The following ATG7 variants were observed in gnomAD, a reference collection of about 807,000 sequenced individuals.
ATG7 encodes the protein autophagy related 7.
Under a neutral mutation model 82.4 loss-of-function variants are expected in ATG7, and 70 were observed. That is an observed-to-expected ratio of 0.85 (90% confidence interval 0.70 to 1.04). The LOEUF (loss-of-function observed/expected upper bound fraction) is 1.04, where lower values mean the gene tolerates loss of function less well. ATG7 is among the 50% of genes least tolerant of loss of function. The probability of loss-of-function intolerance (pLI) is 0.00; values close to 1 mark genes in which losing one functional copy is unlikely to be tolerated. For missense variants in ATG7, 792 were observed against 864.3 expected, an observed-to-expected ratio of 0.92 and a Z score of 1.05; for synonymous variants, 287 against 313.0, an observed-to-expected ratio of 0.92 and a Z score of 0.88.
At chr3:11,395,627 A>G (rs577774931) in intron 19 of ATG7, among the ~76,000 whole-genome samples, 38 of 152,290 alleles carry the variant, frequency 2.5e-4, no homozygotes, top group African/African-American at 8.7e-4. Context: ...ACAATTTTAA[A>G]CCCAGCAGAT....
intron 13 of ATG7, among the ~76,000 whole-genome samples, chr3:11,343,117 C>T (rs1053069562): frequency 5.9e-5 from 9 of 151,904 alleles, no homozygotes; most frequent in African/African-American, 1.7e-4. Flanking sequence ...TTAGTAGAGA[C>T]GGGGTTTCAT....
chr3:11,423,419 G>A (rs1242006492), intron 19 of ATG7, among the ~76,000 whole-genome samples: 1 of 152,078 alleles, frequency 6.6e-6, no homozygotes, highest in Non-Finnish European at 1.5e-5. Flanking sequence ...ACATGGTGTT[G>A]GAAAAATGGT....
intron 20 of ATG7, among the ~76,000 whole-genome samples, chr3:11,460,592 GA>G (rs1410299720): frequency 6.6e-6 from 1 of 152,160 alleles, no homozygotes; most frequent in South Asian, 2.1e-4. Context: ...CATTCAAGAG[GA>G]GAACAGAATG....
chr3:11,365,990 CG>C (rs984148725), intron 18 of ATG7, among the ~76,000 whole-genome samples: 3 of 151,972 alleles, frequency 2.0e-5, no homozygotes, highest in African/African-American at 7.3e-5. Flanking sequence ...GAGGCCGAGG[CG>C]GGTGGATCAC....
intron 19 of ATG7, among the ~76,000 whole-genome samples, chr3:11,386,001 C>T (rs1575938955): frequency 6.6e-6 from 1 of 152,178 alleles, no homozygotes; most frequent in South Asian, 2.1e-4. Flanking sequence ...AAAACTCTTG[C>T]TCACCTAGCA....
At chr3:11,286,287 G>A (rs1423450428) in intron 3 of ATG7, among the ~76,000 whole-genome samples, 1 of 152,164 alleles carries the variant, frequency 6.6e-6, no homozygotes, top group East Asian at 1.9e-4. Context: ...TTCATATGCA[G>A]TTGCATAAGG....
intron 7 of ATG7, among the ~76,000 whole-genome samples, chr3:11,311,962 A>G (rs1243921398): frequency 6.6e-6 from 1 of 151,146 alleles, no homozygotes; most frequent in Non-Finnish European, 1.5e-5. Flanking sequence ...AAAAGTCCAG[A>G]CTAGGAAAAT....
chr3:11,568,885 G>GGCCCC, the ATG7 span: 1 of 1,335,510 alleles, frequency 7.5e-7, no homozygotes. The surrounding 1 kb of genome is among the most constrained non-coding windows in gnomAD (Gnocchi z 5.9). Flanking sequence ...CACGGCACCC[G>GGCCCC]GCCCCGCCCC....
At chr3:11,407,898 C>T (rs1428470310) in intron 19 of ATG7, among the ~76,000 whole-genome samples, 1 of 152,186 alleles carries the variant, frequency 6.6e-6, no homozygotes, top group African/African-American at 2.4e-5. Flanking sequence ...GAGGGGCTGC[C>T]ACAAAGTTCT....
intron 20 of ATG7, among the ~76,000 whole-genome samples, chr3:11,531,470 C>T (rs985837320): frequency 1.3e-5 from 2 of 152,202 alleles, no homozygotes; most frequent in African/African-American, 4.8e-5. Context: ...TACTGGCTGG[C>T]ATTAGGGTGC....
intron 9 of ATG7, among the ~76,000 whole-genome samples, chr3:11,328,603 A>G (rs1951201760): frequency 6.6e-6 from 1 of 152,254 alleles, no homozygotes. Flanking sequence ...AATACAGTAA[A>G]TATCTGATAA....
At chr3:11,320,437 G>A (rs1024233461) in intron 9 of ATG7, among the ~76,000 whole-genome samples, 4 of 151,906 alleles carry the variant, frequency 2.6e-5, no homozygotes, top group African/African-American at 4.8e-5. Context: ...ACAGGCATAC[G>A]CCACCACACC....
chr3:11,534,349 C>T (rs1396963123), intron 20 of ATG7, among the ~76,000 whole-genome samples: 1 of 152,246 alleles, frequency 6.6e-6, no homozygotes, highest in Non-Finnish European at 1.5e-5. Flanking sequence ...ACCAGCTTGC[C>T]AAGGTAAAGA....
At chr3:11,331,315 C>T (rs1294015190) in intron 9 of ATG7, 25 bp from the exon 10 acceptor site, 4 of 1,554,096 alleles carry the variant, frequency 2.6e-6, no homozygotes, top group Non-Finnish European at 3.6e-6. Context: ...ACTCGACTTA[C>T]TCAGAAAGTC....
At chr3:11,295,949 T>G (rs1176650411) in intron 3 of ATG7, among the ~76,000 whole-genome samples, 1 of 152,142 alleles carries the variant, frequency 6.6e-6, no homozygotes, top group African/African-American at 2.4e-5. Flanking sequence ...CAGCTAATTT[T>G]GTATTTTTGG....
At chr3:11,392,788 C>T (rs916499762) in intron 19 of ATG7, among the ~76,000 whole-genome samples, 3 of 152,148 alleles carry the variant, frequency 2.0e-5, no homozygotes, top group African/African-American at 7.2e-5. Flanking sequence ...GATTTTGTGG[C>T]TCCTAATGGT....
intron 20 of ATG7, among the ~76,000 whole-genome samples, chr3:11,435,767 C>T (rs963390588): frequency 4.6e-5 from 7 of 152,136 alleles, no homozygotes; most frequent in African/African-American, 1.4e-4. Context: ...TCCTACTCCT[C>T]ACAATTACCA....
At chr3:11,434,591 G>A (rs2083200730) in intron 20 of ATG7, among the ~76,000 whole-genome samples, 1 of 152,214 alleles carries the variant, frequency 6.6e-6, no homozygotes, top group African/African-American at 2.4e-5. Flanking sequence ...TTGAAATAAA[G>A]CTTGGCAGTA....
the ATG7 span, chr3:11,568,988 A>C: frequency 8.9e-7 from 1 of 1,118,308 alleles, no homozygotes; most frequent in Non-Finnish European, 1.1e-6. The surrounding 1 kb of genome is among the most constrained non-coding windows in gnomAD (Gnocchi z 5.9). Context: ...GAGGCCTACA[A>C]CACCATCATC....
Sources: allele counts gnomAD v4.1 joint callset (sites outside exome capture counted in the v4.1 genomes callset), GRCh38; gene constraint gnomAD v4.1.1; non-coding constraint Gnocchi (gnomAD v3.1); transcripts MANE v1.5; gene names NCBI Gene and HGNC (gene_info 2026-07-23, HGNC 2026-07-21).